NCAM1: variants seen among roughly 807,000 people sequenced by gnomAD.
NCAM1 encodes antigen recognized by monoclonal antibody 5.1H11.
A neutral mutation model predicts 109.8 loss-of-function variants in NCAM1; 14 were observed. That is an observed-to-expected ratio of 0.13 (90% CI 0.08 to 0.20). NCAM1 has a LOEUF of 0.20. Among genes scored for constraint, NCAM1 ranks in the 10% least tolerant of loss-of-function variants. The probability of loss-of-function intolerance (pLI) is 1.00; values close to 1 mark genes in which losing one functional copy is unlikely to be tolerated. For missense variants in NCAM1, 774 were observed against 1,109.9 expected (o/e 0.70, Z 4.30); for synonymous variants, 418 against 442.9 (o/e 0.94, Z 0.70).
At chr11:112,992,707 C>T (rs1555070768) in intron 1 of NCAM1, among the ~76,000 whole-genome samples, 2 of 152,024 alleles carry the variant, frequency 1.3e-5, no homozygotes, top group Non-Finnish European at 2.9e-5. Flanking sequence ...CGGGGTTTCA[C>T]TGCATTAGCT....
chr11:113,038,159 T>C (rs1047169605), intron 1 of NCAM1, among the ~76,000 whole-genome samples: 2 of 152,220 alleles, frequency 1.3e-5, no homozygotes, highest in African/African-American at 4.8e-5. Context: ...TTGTCCAGCA[T>C]TGAGGCCCTC....
At chr11:113,194,832 C>T (rs1555110539) in intron 1 of NCAM1, among the ~76,000 whole-genome samples, 1 of 152,208 alleles carries the variant, frequency 6.6e-6, no homozygotes, top group Non-Finnish European at 1.5e-5. Context: ...CGACTTTAGA[C>T]AGCATTTCCC....
At chr11:113,112,605 A>G (rs1213722425) in intron 1 of NCAM1, among the ~76,000 whole-genome samples, 1 of 152,122 alleles carries the variant, frequency 6.6e-6, no homozygotes, top group African/African-American at 2.4e-5. Context: ...ATAAGAAAAA[A>G]CTGGACAGGG....
chr11:113,179,124 A>G (rs1337944297), intron 1 of NCAM1, among the ~76,000 whole-genome samples: 1 of 152,238 alleles, frequency 6.6e-6, no homozygotes, highest in Non-Finnish European at 1.5e-5. Context: ...GCTACAAATC[A>G]GGACTCCCCC....
rs1942468507 is a variant in NCAM1 at position 113,157,799 on chromosome 11, A to T, written c.53-44580A>T. 2.0e-5 allele frequency among the ~76,000 whole-genome samples: 3 copies of T among 152,178 alleles called. No homozygotes were observed. The South Asian group carries it at 6.2e-4, about 31-fold the overall frequency. On this transcript the variant is annotated intron_variant, in intron 1 of 19. Coordinates refer to ENST00000316851, the MANE Select transcript of NCAM1 (RefSeq NM_181351.5). ...AGGCGCTTTTTTATTTTTGCAAATT[A>T]TTTTAATATCTGCCTTAATAAAAGA...
chr11:113,169,984 T>C (rs1942940500), intron 1 of NCAM1, among the ~76,000 whole-genome samples: 1 of 152,208 alleles, frequency 6.6e-6, no homozygotes, highest in Non-Finnish European at 1.5e-5. Flanking sequence ...AACCTTTCTA[T>C]GATTTCCAGG....
At chr11:113,067,914 T>G (rs1316625945) in intron 1 of NCAM1, among the ~76,000 whole-genome samples, 1 of 149,334 alleles carries the variant, frequency 6.7e-6, no homozygotes, top group Non-Finnish European at 1.5e-5. Flanking sequence ...AAGTTTTTTT[T>G]TTTTTTTTTT....
At chr11:113,234,306 T>C (rs1945097808) in intron 13 of NCAM1, among the ~76,000 whole-genome samples, 1 of 152,006 alleles carries the variant, frequency 6.6e-6, no homozygotes, top group East Asian at 1.9e-4. Flanking sequence ...TTATAAAATA[T>C]ACATAACATA....
At chr11:113,070,860 G>A (rs1199160618) in intron 1 of NCAM1, among the ~76,000 whole-genome samples, 1 of 152,168 alleles carries the variant, frequency 6.6e-6, no homozygotes, top group Non-Finnish European at 1.5e-5. Context: ...GGGAAAGGGA[G>A]CTGACTGGAT....
intron 1 of NCAM1, among the ~76,000 whole-genome samples, chr11:113,028,490 C>T (rs1437533967): frequency 2.0e-5 from 3 of 152,028 alleles, no homozygotes; most frequent in Non-Finnish European, 4.4e-5. Context: ...GGATTTGACT[C>T]ATACTAAACC....
intron 15 of NCAM1, among the ~76,000 whole-genome samples, chr11:113,249,421 C>CCTGTGGGCAGGGA (rs535162256): frequency 0.012 from 1,888 of 152,180 alleles, 32 homozygotes; most frequent in African/African-American, 0.043. Flanking sequence ...CAGCCCGAAT[C>CCTGTGGGCAGGGA]CTGTGGGCAG....
intron 1 of NCAM1, among the ~76,000 whole-genome samples, chr11:113,056,539 A>G (rs1324421770): frequency 6.6e-6 from 1 of 152,156 alleles, no homozygotes; most frequent in Admixed American, 6.5e-5. Context: ...AAAGACTGTC[A>G]TGTTTATCTT....
chr11:113,013,758 A>G (rs1952135490), intron 1 of NCAM1, among the ~76,000 whole-genome samples: 1 of 152,228 alleles, frequency 6.6e-6, no homozygotes, highest in Non-Finnish European at 1.5e-5. Context: ...ATATTAGCCA[A>G]GTTAACGTCA....
At chr11:112,988,220 C>T (rs1407056990) in intron 1 of NCAM1, among the ~76,000 whole-genome samples, 2 of 152,110 alleles carry the variant, frequency 1.3e-5, no homozygotes, top group East Asian at 1.9e-4. Flanking sequence ...TCACAATTTA[C>T]TTCCCTTTAT....
intron 1 of NCAM1, among the ~76,000 whole-genome samples, chr11:113,088,567 AC>A (rs1555088729): frequency 5.5e-4 from 83 of 152,198 alleles, no homozygotes; most frequent in African/African-American, 1.9e-3. Flanking sequence ...TGGGTAAAAC[AC>A]TAGTACCTAG....
intron 1 of NCAM1, among the ~76,000 whole-genome samples, chr11:112,987,349 G>A (rs1346691893): frequency 3.3e-5 from 5 of 152,058 alleles, no homozygotes; most frequent in Non-Finnish European, 5.9e-5. Flanking sequence ...ATGTGTGCTC[G>A]AGAAGATTGT....
At chr11:113,162,270 T>C (rs1217450708) in intron 1 of NCAM1, among the ~76,000 whole-genome samples, 4 of 152,184 alleles carry the variant, frequency 2.6e-5, no homozygotes, top group Non-Finnish European at 2.9e-5. Context: ...CTTTGTCTTT[T>C]TGGTTTCCAG....
chr11:113,235,099 C>G lies in NCAM1; in HGVS notation c.1760C>G (p.Ala587Gly). Residue 587 changes from alanine to glycine, a missense_variant, in exon 14 of 20, where the codon GCG becomes GGG. By Grantham distance (60) the Ala-to-Gly change is moderately conservative (BLOSUM62 0). Around this residue, in one of 4 missense-constraint regions of NCAM1, gnomAD observed 523 missense variants for 784.2 expected, o/e 0.67. Coordinates refer to ENST00000316851, the MANE Select transcript of NCAM1 (RefSeq NM_181351.5). ...GAAACAACGTACGCCGTAAGGCTGGCGGCGCTCAATGGCAAAGGGCTGGGT... is the reference window on the plus strand; with the variant it reads ...GAAACAACGTACGCCGTAAGGCTGGGGGCGCTCAATGGCAAAGGGCTGGGT... ...KPETTYAVRLAALNGKGLGEI... is the reference protein window; with the variant it reads ...KPETTYAVRLGALNGKGLGEI... The G allele has an allele frequency of 6.2e-7, 1 of 1,606,132 alleles. No homozygotes were observed. The highest frequency in any genetic ancestry group is 8.5e-7 in the Non-Finnish European group (1 of 1,176,142).
intron 1 of NCAM1, among the ~76,000 whole-genome samples, chr11:113,141,620 G>T (rs1245707838): frequency 6.6e-6 from 1 of 152,188 alleles, no homozygotes; most frequent in African/African-American, 2.4e-5. Context: ...CTGCACTCCA[G>T]CCTGGCGACA....
Sources: gnomAD v4.1 joint callset for allele counts (sites outside exome capture counted in the v4.1 genomes callset) on GRCh38, gnomAD v4.1.1 for gene constraint, gnomAD v4.1.1 regional missense constraint, MANE v1.5 for transcripts, NCBI Gene and HGNC (gene_info 2026-07-23, HGNC 2026-07-21) for gene names.